RBFOX1: variants seen among roughly 807,000 people sequenced by gnomAD.
RBFOX1 encodes RNA binding protein fox-1 homolog 1.
Under a neutral mutation model 57.7 loss-of-function variants are expected in RBFOX1, and 8 were observed. That is an observed-to-expected ratio of 0.14 (90% CI 0.08 to 0.25). The LOEUF (loss-of-function observed/expected upper bound fraction) is 0.25. RBFOX1 is among the 10% of genes least tolerant of loss of function. The pLI is 1.00. For missense variants in RBFOX1, 611 were observed against 548.5 expected (o/e 1.11, Z -1.14); for synonymous variants, 326 against 222.4 (o/e 1.47, Z -4.15).
intron 2 of RBFOX1, among the ~76,000 whole-genome samples, chr16:5,562,539 G>A (rs2151110291): frequency 6.6e-6 from 1 of 152,222 alleles, no homozygotes; most frequent in Non-Finnish European, 1.5e-5. Context: ...GACCCCAGGG[G>A]TTGGTCTTGG....
chr16:6,992,972 T>C (rs2091740782), intron 3 of RBFOX1, among the ~76,000 whole-genome samples: 1 of 152,194 alleles, frequency 6.6e-6, no homozygotes, highest in South Asian at 2.1e-4. Context: ...ACTTCTTTGC[T>C]TTAAACATAA....
chr16:6,806,164 G>C (rs1303136479), intron 3 of RBFOX1, among the ~76,000 whole-genome samples: 1 of 152,156 alleles, frequency 6.6e-6, no homozygotes, highest in African/African-American at 2.4e-5. Context: ...AATGAGTATA[G>C]AATTGCCACA....
chr16:7,248,993 T>G (rs980926238), intron 4 of RBFOX1, among the ~76,000 whole-genome samples: 2 of 152,130 alleles, frequency 1.3e-5, no homozygotes, highest in Non-Finnish European at 2.9e-5. Context: ...TAGGTTTGAT[T>G]TTGCAAGACT....
At chr16:6,544,839 T>A (rs1392892380) in intron 2 of RBFOX1, among the ~76,000 whole-genome samples, 1 of 152,218 alleles carries the variant, frequency 6.6e-6, no homozygotes, top group Admixed American at 6.5e-5. Flanking sequence ...ACCAGTGATA[T>A]TATGATGGGG....
intron 3 of RBFOX1, among the ~76,000 whole-genome samples, chr16:6,756,023 T>C (rs1386481348): frequency 1.3e-5 from 2 of 152,128 alleles, no homozygotes; most frequent in African/African-American, 2.4e-5. Flanking sequence ...TCAGCCCCGT[T>C]TGGATGACAG....
chr16:5,616,238 A>C (rs62016934), intron 3 of RBFOX1: 27,882 of 152,220 alleles, frequency 0.18, 3,685 homozygotes, highest in East Asian at 0.39. Flanking sequence ...GAACCCCAGC[A>C]CCACCCTCTG....
chr16:5,908,303 C>CACATATATACACATATATATATAT (rs1187209062), intron 4 of RBFOX1, among the ~76,000 whole-genome samples: 26 of 69,536 alleles, frequency 3.7e-4, no homozygotes, highest in African/African-American at 9.0e-4. Flanking sequence ...TATATATATA[C>CACATATATACACATATATATATAT]ACACATATAT....
chr16:7,550,033 G>A (rs900211293), intron 5 of RBFOX1, among the ~76,000 whole-genome samples: 13 of 152,050 alleles, frequency 8.5e-5, no homozygotes, highest in Non-Finnish European at 1.8e-4. Context: ...GGGCTCAAGC[G>A]ATTGTCCCAC....
chr16:7,391,654 G>A (rs1597271738), intron 4 of RBFOX1, among the ~76,000 whole-genome samples: 2 of 152,296 alleles, frequency 1.3e-5, no homozygotes, highest in Admixed American at 1.3e-4. Context: ...TTTATGTAAT[G>A]ATTTGGTTTA....
Position 6,946,643 on chromosome 16 carries a change from C to T in RBFOX1, c.-15-105414C>T, listed in dbSNP as rs1271188347. Among the ~76,000 whole-genome samples the T allele has an allele frequency of 4.6e-5, 7 of 150,676 alleles. No homozygotes were observed. In the East Asian group the frequency reaches 1.4e-3, roughly 29 times the overall value. Reference sequence around the variant, plus strand: ...TAGGGGTTAGGGTCTGGTTCAGTCACCCAGGCTGGAGTGCGGTAGTGAGAT... The same window carrying T: ...TAGGGGTTAGGGTCTGGTTCAGTCATCCAGGCTGGAGTGCGGTAGTGAGAT... On this transcript the variant is annotated intron_variant, in intron 3 of 15. Coordinates refer to ENST00000550418, the MANE Select transcript of RBFOX1 (RefSeq NM_018723.4).
At chr16:6,209,457 A>T (rs1202359218) in intron 1 of RBFOX1, among the ~76,000 whole-genome samples, 3 of 152,202 alleles carry the variant, frequency 2.0e-5, no homozygotes, top group African/African-American at 7.2e-5. Flanking sequence ...GTTGAGGTTG[A>T]GCTTAATGCC....
chr16:5,316,057 C>G (rs77111390), intron 1 of RBFOX1, among the ~76,000 whole-genome samples: 3 of 152,220 alleles, frequency 2.0e-5, no homozygotes, highest in African/African-American at 7.2e-5. Context: ...TGTCTCTGCT[C>G]TCAGCCATAC....
intron 1 of RBFOX1, among the ~76,000 whole-genome samples, chr16:6,137,526 G>C (rs540401205): frequency 2.0e-5 from 3 of 151,492 alleles, no homozygotes; most frequent in Non-Finnish European, 4.4e-5. Flanking sequence ...GGCTGGTCTC[G>C]AGCTCCTGAC....
intron 1 of RBFOX1, among the ~76,000 whole-genome samples, chr16:5,424,878 TCTTTCTTTC>T (rs1358762265): frequency 9.9e-4 from 11 of 11,080 alleles, no homozygotes; most frequent in South Asian, 5.4e-3. Flanking sequence ...TTCTTTTTTT[TCTTTCTTTC>T]TTTCTTTCTT....
In RBFOX1 at chr16:7,523,778, A is replaced by C. The variant is rs148583311; in HGVS notation, c.270+5389A>C. Among the ~76,000 whole-genome samples the C allele has an allele frequency of 8.3e-4, 126 of 152,308 alleles. 1 individual carries two copies. Among genetic ancestry groups the C allele is most frequent in the African/African-American group, 2.9e-3 (120 of 41,578 alleles). ...TACAAACAATTACATCTGTATACTC[A>C]TCTCTCTTTGGCCAAAAAGGAGATG... is the stretch of plus-strand genomic sequence containing the variant. On this transcript the variant is annotated intron_variant, in intron 5 of 15. Transcript: ENST00000550418.
At chr16:6,462,791 A>G (rs1391264938) in intron 2 of RBFOX1, among the ~76,000 whole-genome samples, 3 of 151,608 alleles carry the variant, frequency 2.0e-5, no homozygotes, top group Non-Finnish European at 4.4e-5. Context: ...CAATCTTTTA[A>G]AAAGTATTGA....
chr16:5,555,072 C>G (rs1232194926), intron 2 of RBFOX1, among the ~76,000 whole-genome samples: 2 of 152,090 alleles, frequency 1.3e-5, no homozygotes. Context: ...AATAAATGTA[C>G]TCTTTTGTGT....
intron 2 of RBFOX1, among the ~76,000 whole-genome samples, chr16:6,589,721 T>C (rs1056003013): frequency 1.3e-5 from 2 of 152,214 alleles, no homozygotes; most frequent in Admixed American, 1.3e-4. Flanking sequence ...AGGGGGATTG[T>C]TTGGGGAAAG....
At chr16:6,193,379 T>TATATAC (rs1555545337) in intron 1 of RBFOX1, among the ~76,000 whole-genome samples, 103 of 63,048 alleles carry the variant, frequency 1.6e-3, no homozygotes, top group Non-Finnish European at 2.6e-3. Context: ...TATATATACA[T>TATATAC]TATATATATA....
Sources: gnomAD v4.1 joint callset for allele counts (sites outside exome capture counted in the v4.1 genomes callset) on GRCh38, gnomAD v4.1.1 for gene constraint, MANE v1.5 for transcripts, NCBI Gene and HGNC (gene_info 2026-07-23, HGNC 2026-07-21) for gene names.